PTPRD: variants seen among roughly 807,000 people sequenced by gnomAD.
PTPRD encodes receptor-type tyrosine-protein phosphatase delta.
PTPRD carries 34 observed loss-of-function variants against 214.5 expected under a neutral mutation model. The ratio of observed to expected loss-of-function variants is 0.16; its 90% CI spans 0.12 to 0.21. The LOEUF is 0.21. Among genes scored for constraint, PTPRD ranks in the 10% least tolerant of loss-of-function variants. The pLI is 1.00. For missense variants in PTPRD, 2,545 were observed against 2,398.7 expected, an observed-to-expected ratio of 1.06 and a Z score of -1.27; for synonymous variants, 1,128 against 845.7, an observed-to-expected ratio of 1.33 and a Z score of -5.79.
intron 14 of PTPRD, among the ~76,000 whole-genome samples, chr9:8,604,308 G>C (rs1053039328): frequency 6.6e-6 from 1 of 152,156 alleles, no homozygotes; most frequent in African/African-American, 2.4e-5. Context: ...AGCCAGGGAA[G>C]TAATATATGA....
chr9:10,253,947 A>G (rs2093016063), intron 3 of PTPRD, among the ~76,000 whole-genome samples: 1 of 152,158 alleles, frequency 6.6e-6, no homozygotes, highest in Non-Finnish European at 1.5e-5. Context: ...AAAATATCCA[A>G]AAACAAAATT....
chr9:9,246,743 C>T (rs1594479512), intron 9 of PTPRD, among the ~76,000 whole-genome samples: 1 of 152,028 alleles, frequency 6.6e-6, no homozygotes, highest in Non-Finnish European at 1.5e-5. Flanking sequence ...CTGGCCTATT[C>T]TTGGAGCTGA....
At chr9:9,126,445 C>T (rs1250884832) in intron 10 of PTPRD, among the ~76,000 whole-genome samples, 1 of 152,144 alleles carries the variant, frequency 6.6e-6, no homozygotes, top group Admixed American at 6.5e-5. Flanking sequence ...AGTGAAACGA[C>T]ATACAATGAA....
chr9:9,222,813 T>C (rs1269270270), intron 9 of PTPRD, among the ~76,000 whole-genome samples: 2 of 151,990 alleles, frequency 1.3e-5, no homozygotes, highest in African/African-American at 4.8e-5. Context: ...TTTTGAAAAT[T>C]TGAAGGAATA....
intron 2 of PTPRD, among the ~76,000 whole-genome samples, chr9:10,594,995 C>T (rs1217103338): frequency 7.0e-6 from 1 of 142,814 alleles, no homozygotes; most frequent in African/African-American, 2.6e-5. Context: ...CCCCAAAGCT[C>T]AATGACAGGT....
At chr9:10,205,440 C>T (rs967909066) in intron 3 of PTPRD, among the ~76,000 whole-genome samples, 1 of 151,390 alleles carries the variant, frequency 6.6e-6, no homozygotes, top group African/African-American at 2.4e-5. Context: ...GAGTCTTACT[C>T]TGTTGCCCAG....
At chr9:8,329,906 C>T (rs1027232430) in intron 44 of PTPRD, among the ~76,000 whole-genome samples, 2 of 149,454 alleles carry the variant, frequency 1.3e-5, no homozygotes, top group African/African-American at 5.0e-5. Context: ...GACAGCTGTA[C>T]TCGCAGTGAG....
At chr9:10,096,544 G>A (rs1426829216) in intron 3 of PTPRD, among the ~76,000 whole-genome samples, 3 of 151,896 alleles carry the variant, frequency 2.0e-5, no homozygotes, top group African/African-American at 7.2e-5. Context: ...CTTCTTTTGA[G>A]AAGTGTCTGT....
chr9:9,647,923 T>C (rs964400432), intron 7 of PTPRD, among the ~76,000 whole-genome samples: 3 of 152,172 alleles, frequency 2.0e-5, no homozygotes, highest in East Asian at 1.9e-4. Context: ...TCTCATACTT[T>C]AATTGTGTGT....
At chr9:10,003,723 T>C (rs2096394006) in intron 4 of PTPRD, among the ~76,000 whole-genome samples, 1 of 151,712 alleles carries the variant, frequency 6.6e-6, no homozygotes, top group Non-Finnish European at 1.5e-5. Context: ...AATATAGCCA[T>C]TTGTGAATAC....
At chr9:9,380,772 A>G (rs557026436) in intron 9 of PTPRD, among the ~76,000 whole-genome samples, 4 of 152,296 alleles carry the variant, frequency 2.6e-5, no homozygotes, top group African/African-American at 7.2e-5. Context: ...TTTCTGATAC[A>G]GGACTGTCAA....
At chr9:10,377,736 TTTA>T (rs2097758267) in intron 2 of PTPRD, among the ~76,000 whole-genome samples, 1 of 151,956 alleles carries the variant, frequency 6.6e-6, no homozygotes, top group African/African-American at 2.4e-5. Flanking sequence ...TAGGAACACT[TTTA>T]TACTGTTGGT....
intron 14 of PTPRD, among the ~76,000 whole-genome samples, chr9:8,625,659 T>C (rs1216825215): frequency 3.3e-5 from 5 of 151,240 alleles, no homozygotes; most frequent in African/African-American, 1.2e-4. Flanking sequence ...CAAAAATCTA[T>C]CAATTAAAAA....
rs2153702677 is a variant in PTPRD, at chr9:9,866,678, G to A, written c.-368+71829C>T. 2.0e-5 allele frequency among the ~76,000 whole-genome samples: 3 copies of A among 152,140 alleles called. No individual in the cohort carries two copies. The East Asian group carries it at 5.8e-4, about 29-fold the overall frequency. On this transcript the variant is annotated intron_variant, in intron 5 of 45. Transcript: ENST00000381196. Reference sequence around the variant, plus strand: ...AGCATAAGCTTCTATTGAGATTTCTGGGTTGATTTCAACATTTCTTAGATA... The same window carrying A: ...AGCATAAGCTTCTATTGAGATTTCTAGGTTGATTTCAACATTTCTTAGATA...
chr9:9,524,315 G>C (rs1343721711), intron 8 of PTPRD, among the ~76,000 whole-genome samples: 1 of 151,732 alleles, frequency 6.6e-6, no homozygotes, highest in Non-Finnish European at 1.5e-5. Context: ...TCTTTCTTTT[G>C]CTTCAGTCTC....
intron 8 of PTPRD, among the ~76,000 whole-genome samples, chr9:9,524,911 A>G (rs563751648): frequency 2.4e-4 from 37 of 152,204 alleles, no homozygotes; most frequent in South Asian, 1.0e-3. Flanking sequence ...AGGCTGGAGT[A>G]CAGTGGCGCA....
chr9:10,080,180 C>G (rs2098212151), intron 3 of PTPRD, among the ~76,000 whole-genome samples: 1 of 152,052 alleles, frequency 6.6e-6, no homozygotes, highest in South Asian at 2.1e-4. Context: ...ACAGCATATC[C>G]TCTAAAGGAA....
At chr9:10,018,688 C>T (rs1189533182) in intron 4 of PTPRD, among the ~76,000 whole-genome samples, 1 of 148,466 alleles carries the variant, frequency 6.7e-6, no homozygotes, top group Non-Finnish European at 1.5e-5. Context: ...GCTGGGACTA[C>T]AGGCGCCCGC....
At chr9:9,048,873 T>C (rs916777818) in intron 10 of PTPRD, among the ~76,000 whole-genome samples, 23 of 152,312 alleles carry the variant, frequency 1.5e-4, no homozygotes, top group Admixed American at 2.0e-4. Flanking sequence ...CCATTTTCCA[T>C]GATGTGATTA....
Sources: gnomAD v4.1 joint callset for allele counts (sites outside exome capture counted in the v4.1 genomes callset) on GRCh38, gnomAD v4.1.1 for gene constraint, MANE v1.5 for transcripts, NCBI Gene and HGNC (gene_info 2026-07-23, HGNC 2026-07-21) for gene names.